ZNF441: variants seen among roughly 807,000 people sequenced by gnomAD.
The protein encoded by ZNF441 is zinc finger protein 441.
Under a neutral mutation model 64.5 loss-of-function variants are expected in ZNF441, and 25 were observed. That is an observed-to-expected ratio of 0.39 (90% CI 0.28 to 0.54). The LOEUF (loss-of-function observed/expected upper bound fraction) is 0.54. ZNF441 is among the 20% of genes least tolerant of loss of function. The probability of loss-of-function intolerance (pLI) is 0.70; values close to 1 mark genes in which losing one functional copy is unlikely to be tolerated. For synonymous variants in ZNF441, 262 were observed against 268.0 expected, an observed-to-expected ratio of 0.98 and a Z score of 0.22; for missense variants, 715 against 843.3, an observed-to-expected ratio of 0.85 and a Z score of 1.88.
intron 1 of ZNF441, among the ~76,000 whole-genome samples, chr19:11,768,292 T>C (rs907411303): frequency 6.6e-6 from 1 of 152,228 alleles, no homozygotes; most frequent in African/African-American, 2.4e-5. Context: ...TGTCATTTTG[T>C]TTATACATAG....
chr19:11,781,523 G>A lies in ZNF441; in HGVS notation c.1699G>A (p.Ala567Thr). The A allele has an allele frequency of 6.2e-7, 1 of 1,614,056 alleles. No individual in the cohort carries two copies. The highest frequency in any genetic ancestry group is 1.6e-4 in the Middle Eastern group (1 of 6,062). ...CTATGGTTGTCAGCAATGTGGGAAAGCATTATCTGATCTCTCAAGCTTTCG... is the reference window on the plus strand; with the variant it reads ...CTATGGTTGTCAGCAATGTGGGAAAACATTATCTGATCTCTCAAGCTTTCG... Reference protein sequence around the residue: ...KPYGCQQCGKALSDLSSFRRH... With the variant: ...KPYGCQQCGKTLSDLSSFRRH... The change falls in exon 4 of 4, where the codon GCA becomes ACA. Residue 567 changes from alanine to threonine, a missense_variant. By Grantham distance (58) the Ala-to-Thr change is moderately conservative. Around this residue, in one of 2 missense-constraint regions of ZNF441, gnomAD observed 316 missense variants for 429.3 expected, o/e 0.74. Coordinates refer to ENST00000357901, the MANE Select transcript of ZNF441 (RefSeq NM_152355.3).
At chr19:11,778,202 A>G (rs1975369669) in intron 2 of ZNF441, 128 bp from the exon 3 acceptor site, 5 of 702,192 alleles carry the variant, frequency 7.1e-6, no homozygotes, top group Non-Finnish European at 1.2e-5. Flanking sequence ...GTGCAGTTCA[A>G]ACCTGTGTTG....
chr19:11,780,188 G>A lies in ZNF441; in HGVS notation c.364G>A (p.Val122Ile), dbSNP rs799193. 1,304,695 of 1,614,008 alleles carry A rather than the reference G, an allele frequency of 0.81. 529,096 individuals are homozygous for A. Among genetic ancestry groups the A allele is most frequent in the East Asian group, 0.95 (42,672 of 44,870 alleles). ...LMGRSSLNCYVRVDSEHKPCE... is the reference protein window; with the variant it reads ...LMGRSSLNCYIRVDSEHKPCE... Reference sequence around the variant, plus strand: ...GGGTCGTTCATCTCTTAATTGCTACGTTAGAGTTGACAGTGAACACAAACC... The same window carrying A: ...GGGTCGTTCATCTCTTAATTGCTACATTAGAGTTGACAGTGAACACAAACC... The change falls in exon 4 of 4, where the codon GTT (valine) becomes ATT (isoleucine). Residue 122 changes from valine to isoleucine, a missense_variant. Physicochemically the swap from Val to Ile is conservative, Grantham distance 29. This residue lies in a region of ZNF441 where 399 missense variants were observed against 413.9 expected (regional missense o/e 0.96). Transcript: ENST00000357901.
chr19:11,773,068 G>A lies in ZNF441; in HGVS notation c.4-4543G>A, dbSNP rs191418251. On this transcript the variant is annotated intron_variant, in intron 1 of 3. Transcript: ENST00000357901. Reference sequence around the variant, plus strand: ...GGCCTCCCAAAGTGCTGGGATTACAGGTGTGAGCCACTGCGCCCGGCCTGC... The same window carrying A: ...GGCCTCCCAAAGTGCTGGGATTACAAGTGTGAGCCACTGCGCCCGGCCTGC... Among the ~76,000 whole-genome samples the A allele has an allele frequency of 9.3e-4, 142 of 152,266 alleles. 2 individuals carry two copies. The highest frequency in any genetic ancestry group is 3.4e-3 in the African/African-American group (140 of 41,550).
At chr19:11,778,072 C>G (rs752841310) in intron 2 of ZNF441, 14 of 447,190 alleles carry the variant, frequency 3.1e-5, no homozygotes, top group Non-Finnish European at 5.2e-5. Flanking sequence ...ATAGAAAATA[C>G]AACATTACAA....
Position 11,781,984 on chromosome 19 carries a change from C to T in ZNF441, c.*78C>T, listed in dbSNP as rs2145085753. ...TTCTTACAAATACATAAGAGACTCACACTGAAAAAAGTTGTATGAATATAA... is the reference window on the plus strand; with the variant it reads ...TTCTTACAAATACATAAGAGACTCATACTGAAAAAAGTTGTATGAATATAA... On this transcript the variant is annotated 3_prime_UTR_variant, in exon 4 of 4. Coordinates refer to ENST00000357901, the MANE Select transcript of ZNF441 (RefSeq NM_152355.3). 5 of 1,233,188 alleles carry T rather than the reference C, an allele frequency of 4.1e-6. No homozygotes were observed. The highest frequency in any genetic ancestry group is 2.0e-5 in the South Asian group (1 of 49,058). The allele number at this position is 1,233,188 out of a possible 1,614,324, so 76.4% of individuals were successfully genotyped here.
intron 3 of ZNF441, among the ~76,000 whole-genome samples, chr19:11,779,049 G>A (rs768534501): frequency 2.0e-5 from 3 of 152,154 alleles, no homozygotes; most frequent in East Asian, 1.9e-4. Context: ...GGCCAGGTGC[G>A]ATAGCTCACA....
At position 11,783,922 on chromosome 19, in the gene ZNF441, A is replaced by G. The variant is rs969092535; in HGVS notation, c.*2016A>G. 1.3e-5 allele frequency: 2 copies of G among 152,236 alleles called. No homozygotes were observed. The highest frequency in any genetic ancestry group is 4.8e-5 in the African/African-American group (2 of 41,466). The allele number at this position is 152,236 out of a possible 1,614,324, so 9.4% of individuals were successfully genotyped here. ...GAAGAGAGGACTTGAAATGTTACCAACACATAGAAGTGGTAAATACTCAAG... is the reference window on the plus strand; with the variant it reads ...GAAGAGAGGACTTGAAATGTTACCAGCACATAGAAGTGGTAAATACTCAAG... On this transcript the variant is annotated 3_prime_UTR_variant, in exon 4 of 4. Coordinates refer to ENST00000357901, the MANE Select transcript of ZNF441 (RefSeq NM_152355.3).
Position 11,777,891 on chromosome 19 carries a change from C to T in ZNF441, c.130+154C>T, listed in dbSNP as rs1035462934. Reference sequence around the variant, plus strand: ...TACATCTTCTCCCGCACAACTTAACCACTAGTAGCCTACTGTTTACTGGCA... The same window carrying T: ...TACATCTTCTCCCGCACAACTTAACTACTAGTAGCCTACTGTTTACTGGCA... On this transcript the variant is annotated intron_variant, in intron 2 of 3. Coordinates refer to ENST00000357901, the MANE Select transcript of ZNF441 (RefSeq NM_152355.3). 2.0e-5 allele frequency: 14 copies of T among 700,492 alleles called. No individual in the cohort carries two copies. The Admixed American group carries it at 3.4e-4, about 17-fold the overall frequency. The allele number at this position is 700,492 out of a possible 1,614,324, so 43.4% of individuals were successfully genotyped here.
Position 11,782,707 on chromosome 19 carries a change from T to G in ZNF441, c.*801T>G, listed in dbSNP as rs1975413810. 6.6e-6 allele frequency: 1 copy of G among 152,208 alleles called. No individual in the cohort carries two copies. Among genetic ancestry groups the G allele is most frequent in the Admixed American group, 6.5e-5 (1 of 15,278 alleles). 9.4% of individuals were successfully genotyped at this position (152,208 alleles called of 1,614,324 possible). On this transcript the variant is annotated 3_prime_UTR_variant, in exon 4 of 4. Coordinates refer to ENST00000357901, the MANE Select transcript of ZNF441 (RefSeq NM_152355.3). ...AATATTATAGGAAGCTGTTCCTTCT[T>G]TTTCTTTACATCACCAAACCTTCCA...
chr19:11,773,880 T>G (rs1255996988), intron 1 of ZNF441, among the ~76,000 whole-genome samples: 1 of 152,200 alleles, frequency 6.6e-6, no homozygotes, highest in East Asian at 1.9e-4. Context: ...TGCCAGTCCC[T>G]GCCTTTTTTA....
chr19:11,775,146 G>A (rs1975344068), intron 1 of ZNF441, among the ~76,000 whole-genome samples: 1 of 152,068 alleles, frequency 6.6e-6, no homozygotes, highest in Non-Finnish European at 1.5e-5. Flanking sequence ...GTAGTATTTG[G>A]TGAACACTTA....
chr19:11,774,666 C>A (rs1045956360), intron 1 of ZNF441, among the ~76,000 whole-genome samples: 4 of 151,988 alleles, frequency 2.6e-5, no homozygotes, highest in Non-Finnish European at 4.4e-5. Context: ...TTCTGGTTTT[C>A]TTTTAGTTCT....
chr19:11,779,541 C>T (rs1427498081), intron 3 of ZNF441, among the ~76,000 whole-genome samples: 3 of 151,652 alleles, frequency 2.0e-5, no homozygotes, highest in East Asian at 1.9e-4. Context: ...GTCAGGAGAT[C>T]GAGACCATCC....
At position 11,781,617 on chromosome 19, in the gene ZNF441, A is replaced by T. The variant is rs778677523; in HGVS notation, c.1793A>T (p.Tyr598Phe). 1.2e-6 allele frequency: 2 copies of T among 1,613,950 alleles called. No individual in the cohort carries two copies. The highest frequency in any genetic ancestry group is 8.5e-7 in the Non-Finnish European group (1 of 1,179,962). Residue 598 changes from tyrosine (Y) to phenylalanine (F), a missense_variant, in exon 4 of 4, where the codon TAT (tyrosine) becomes TTT (phenylalanine). Transcript: ENST00000357901. ...AAGATATGTGGGAAAGGCTTTGATT[A>T]TCCCAGTTCAGTGCAAAGACATGAA... ...KCKICGKGFDYPSSVQRHERT... is the reference protein window; with the variant it reads ...KCKICGKGFDFPSSVQRHERT...
At position 11,767,407 on chromosome 19, in the gene ZNF441, C is replaced by T. The variant is rs1437517326; in HGVS notation, c.3+211C>T. 1.3e-5 allele frequency among the ~76,000 whole-genome samples: 2 copies of T among 152,220 alleles called. No homozygotes were observed. Among genetic ancestry groups the T allele is most frequent in the Non-Finnish European group, 2.9e-5 (2 of 68,032 alleles). ...CCTGCGCGGCCACTGCGGCCCTGGCCCTGGAGGCCTGTCTGGGCAGCTCCG... is the reference window on the plus strand; with the variant it reads ...CCTGCGCGGCCACTGCGGCCCTGGCTCTGGAGGCCTGTCTGGGCAGCTCCG... On this transcript the variant is annotated intron_variant, in intron 1 of 3. Transcript: ENST00000357901. The surrounding 1 kb of genome is among the most constrained non-coding windows in gnomAD (Gnocchi z 5.1).
intron 1 of ZNF441, among the ~76,000 whole-genome samples, chr19:11,768,501 G>A (rs1241185384): frequency 6.6e-6 from 1 of 152,172 alleles, no homozygotes; most frequent in African/African-American, 2.4e-5. Context: ...CTTTGGAAAC[G>A]TTACAGAGTG....
chr19:11,781,557 T>C lies in ZNF441; in HGVS notation c.1733T>C (p.Met578Thr), dbSNP rs1292638444. The C allele has an allele frequency of 6.2e-7, 1 of 1,613,660 alleles. No homozygotes were observed. The highest frequency in any genetic ancestry group is 8.5e-7 in the Non-Finnish European group (1 of 1,179,906). Residue 578 changes from methionine (M) to threonine (T), a missense_variant, in exon 4 of 4, where the codon ATG (methionine) becomes ACG (threonine). Physicochemically the swap from Met to Thr is moderately conservative, Grantham distance 81. Transcript: ENST00000357901. ...LSDLSSFRRH[M>T]ITHTGNGPHK... ...GATCTCTCAAGCTTTCGAAGACACA[T>C]GATAACACATACTGGAAATGGACCT...
Position 11,782,088 on chromosome 19 carries a change from A to G in ZNF441, c.*182A>G. ...CTCATACTTCAAAAATATATATATA[A>G]TGAATGTGAGGAATATGAAAAAACT... On this transcript the variant is annotated 3_prime_UTR_variant, in exon 4 of 4. Transcript: ENST00000357901. 1 of 478,992 alleles carries G rather than the reference A, an allele frequency of 2.1e-6. No individual in the cohort carries two copies. The highest frequency in any genetic ancestry group is 3.6e-6 in the Non-Finnish European group (1 of 279,040). The allele number at this position is 478,992 out of a possible 1,614,324, so 29.7% of individuals were successfully genotyped here. A position where few individuals can be genotyped will look rare whatever the true frequency, so the allele number is the denominator to read the frequency against.
Sources: allele counts gnomAD v4.1 joint callset (sites outside exome capture counted in the v4.1 genomes callset), GRCh38; gene constraint gnomAD v4.1.1; regional missense constraint gnomAD v4.1.1; non-coding constraint Gnocchi (gnomAD v3.1); transcripts MANE v1.5; gene names NCBI Gene and HGNC (gene_info 2026-07-23, HGNC 2026-07-21).